The following MPHOSPH9 variants were observed in gnomAD, a reference collection of about 807,000 sequenced individuals.
MPHOSPH9 encodes M-phase phosphoprotein 9.
A neutral mutation model predicts 145.5 loss-of-function variants in MPHOSPH9; 88 were observed. The observed-to-expected ratio is 0.60, with a 90% CI of 0.51 to 0.72. MPHOSPH9 has a LOEUF of 0.72. MPHOSPH9 is among the 30% of genes least tolerant of loss of function. MPHOSPH9 has a pLI of 0.00. For missense variants in MPHOSPH9, 1,238 were observed against 1,386.6 expected, an observed-to-expected ratio of 0.89 and a Z score of 1.70; for synonymous variants, 435 against 486.2, an observed-to-expected ratio of 0.89 and a Z score of 1.39.
chr12:123,206,833 G>A (rs1030266934), intron 8 of MPHOSPH9, among the ~76,000 whole-genome samples: 2 of 151,782 alleles, frequency 1.3e-5, no homozygotes, highest in African/African-American at 4.8e-5. Flanking sequence ...AGAATCGCTT[G>A]AACCCAGGAG....
chr12:123,238,419 G>A (rs1055339716), intron 1 of MPHOSPH9, among the ~76,000 whole-genome samples: 2 of 151,988 alleles, frequency 1.3e-5, no homozygotes, highest in East Asian at 1.9e-4. Flanking sequence ...GAGACAAGAC[G>A]GAATAAGCAG....
chr12:123,174,718 C>G lies in MPHOSPH9; in HGVS notation c.2456+1970G>C, dbSNP rs572582563. ...CATCCTAAAACCTTATTTTTGAGCT[C>G]CAAACTCATTTATAATTGCCTATTT... On this transcript the variant is annotated intron_variant, in intron 16 of 23. Coordinates refer to ENST00000606320, the MANE Select transcript of MPHOSPH9 (RefSeq NM_022782.4). Among the ~76,000 whole-genome samples the G allele has an allele frequency of 3.9e-5, 6 of 152,204 alleles. No homozygotes were observed. In the South Asian group the frequency reaches 6.2e-4, roughly 16 times the overall value.
intron 6 of MPHOSPH9, 110 bp from the exon 7 acceptor site, chr12:123,214,944 G>T (rs2046895529): frequency 2.3e-6 from 2 of 870,180 alleles, no homozygotes; most frequent in Non-Finnish European, 3.7e-6. Flanking sequence ...CCTTCAGAGG[G>T]TTCAAAGAAG....
Position 123,159,179 on chromosome 12 carries a change from T to C in MPHOSPH9, c.3450+1602A>G, listed in dbSNP as rs570951141. Among the ~76,000 whole-genome samples the C allele has an allele frequency of 3.2e-4, 48 of 152,264 alleles. No individual in the cohort carries two copies. The highest frequency in any genetic ancestry group is 1.1e-3 in the African/African-American group (47 of 41,552). ...CAGGTATTTTTTTTTATTATTCTTT[T>C]TCAGAGACGGAGTCTTGCTCTGTCA... On this transcript the variant is annotated intron_variant, in intron 23 of 23. Transcript: ENST00000606320. This position sits in a 1 kb window ranked among gnomAD's most constrained non-coding sequence, Gnocchi z 4.3.
intron 8 of MPHOSPH9, among the ~76,000 whole-genome samples, chr12:123,209,734 G>GTT (rs1247529762): frequency 6.1e-4 from 61 of 100,198 alleles, no homozygotes; most frequent in African/African-American, 1.6e-3. Flanking sequence ...GTTTTGTTTT[G>GTT]TTGTTTTTTT....
At position 123,214,846 on chromosome 12, in the gene MPHOSPH9, A is replaced by C. The variant is rs2046891726; in HGVS notation, c.997-12T>G. 3 of 1,600,570 alleles carry C rather than the reference A, an allele frequency of 1.9e-6. No homozygotes were observed. The highest frequency in any genetic ancestry group is 1.7e-6 in the Non-Finnish European group (2 of 1,168,138). The stretch of plus-strand genomic sequence containing the variant: ...GCAGCAAAATCAGACTACAAGAAAG[A>C]AAACTATTGATTGACAGCTAAAAGT... On this transcript the variant is annotated splice_polypyrimidine_tract_variant and intron_variant, in intron 6 of 23. Coordinates refer to ENST00000606320, the MANE Select transcript of MPHOSPH9 (RefSeq NM_022782.4).
intron 16 of MPHOSPH9, 30 bp downstream of exon 16, chr12:123,176,658 G>A (rs755797281): frequency 6.6e-7 from 1 of 1,518,442 alleles, no homozygotes; most frequent in East Asian, 2.3e-5. Flanking sequence ...CCTATTTCTA[G>A]CTTTATAGAG....
chr12:123,189,897 C>A (rs1358898678), intron 13 of MPHOSPH9, among the ~76,000 whole-genome samples: 1 of 151,136 alleles, frequency 6.6e-6, no homozygotes. Flanking sequence ...GATGGTGCCA[C>A]TGCACTCCAG....
At chr12:123,216,103 G>C (rs1386232190) in intron 6 of MPHOSPH9, among the ~76,000 whole-genome samples, 1 of 152,172 alleles carries the variant, frequency 6.6e-6, no homozygotes, top group Non-Finnish European at 1.5e-5. Flanking sequence ...CGGGCGTGGT[G>C]GTGGGGGTGT....
chr12:123,163,342 A>C, intron 19 of MPHOSPH9: 1 of 482,622 alleles, frequency 2.1e-6, no homozygotes, highest in Non-Finnish European at 3.5e-6. Context: ...TATATCAGAC[A>C]GTACTTTCAG....
In MPHOSPH9 at chr12:123,168,589, A is replaced by G. The variant is rs140517050; in HGVS notation, c.2457-1800T>C. On this transcript the variant is annotated intron_variant, in intron 16 of 23. Coordinates refer to ENST00000606320, the MANE Select transcript of MPHOSPH9 (RefSeq NM_022782.4). ...GATCTCCTGACCTCATGATCCGCCC[A>G]CCTCAGCCTCCCAAAGTGCTGGGAT... Among the ~76,000 whole-genome samples the G allele has an allele frequency of 1.4e-3, 206 of 150,070 alleles. 1 individual carries two copies. Among genetic ancestry groups the G allele is most frequent in the African/African-American group, 4.7e-3 (192 of 40,892 alleles).
intron 13 of MPHOSPH9, among the ~76,000 whole-genome samples, chr12:123,185,373 T>C (rs1273983542): frequency 6.9e-6 from 1 of 143,948 alleles, no homozygotes; most frequent in South Asian, 2.3e-4. Flanking sequence ...ATACCAAGGA[T>C]AAAAAGATGA....
At chr12:123,209,726 T>A in intron 8 of MPHOSPH9, among the ~76,000 whole-genome samples, 1 of 144,434 alleles carries the variant, frequency 6.9e-6, no homozygotes, top group South Asian at 2.2e-4. Flanking sequence ...GTGTGTGTGT[T>A]TTGTTTTGTT....
Position 123,154,301 on chromosome 12 carries a change from T to C in MPHOSPH9, c.*2506A>G, listed in dbSNP as rs1422246544. ...AAAAATAGTTTATACCCGGGGATAA[T>C]AGCTGCTATTTAGAATTGCCATCTT... On this transcript the variant is annotated 3_prime_UTR_variant, in exon 24 of 24. Transcript: ENST00000606320. The C allele has an allele frequency of 1.3e-5, 2 of 151,032 alleles. No homozygotes were observed. Among genetic ancestry groups the C allele is most frequent in the African/African-American group, 4.9e-5 (2 of 41,090 alleles). The allele number at this position is 151,032 out of a possible 1,614,324, so 9.4% of individuals were successfully genotyped here.
intron 13 of MPHOSPH9, among the ~76,000 whole-genome samples, chr12:123,182,312 G>T (rs1358379778): frequency 7.4e-6 from 1 of 135,076 alleles, no homozygotes; most frequent in Admixed American, 7.9e-5. Flanking sequence ...GAAGTGCAGT[G>T]GCGTGTTCTC....
chr12:123,160,747 GC>G, intron 23 of MPHOSPH9, 33 bp downstream of exon 23: 1 of 1,591,082 alleles, frequency 6.3e-7, no homozygotes, highest in Non-Finnish European at 8.6e-7. Context: ...CTGGCATCAA[GC>G]CTCTAAAGCA....
intron 3 of MPHOSPH9, among the ~76,000 whole-genome samples, chr12:123,223,961 C>T (rs567636773): frequency 2.0e-5 from 3 of 151,338 alleles, no homozygotes; most frequent in Non-Finnish European, 4.4e-5. Flanking sequence ...GAGACGGAGT[C>T]TCTCGTTCTC....
At chr12:123,231,180 C>T (rs1490960646) in intron 1 of MPHOSPH9, among the ~76,000 whole-genome samples, 3 of 152,098 alleles carry the variant, frequency 2.0e-5, no homozygotes, top group African/African-American at 7.2e-5. Context: ...CAGCATCTTG[C>T]TATGTTGCCC....
intron 10 of MPHOSPH9, 90 bp from the exon 11 acceptor site, chr12:123,202,409 G>A (rs988192276): frequency 7.4e-7 from 1 of 1,351,780 alleles, no homozygotes; most frequent in African/African-American, 1.5e-5. Context: ...TGATTCTCAT[G>A]GGCAAAAATA....
Sources: allele counts gnomAD v4.1 joint callset (sites outside exome capture counted in the v4.1 genomes callset), GRCh38; gene constraint gnomAD v4.1.1; non-coding constraint Gnocchi (gnomAD v3.1); transcripts MANE v1.5; gene names NCBI Gene and HGNC (gene_info 2026-07-23, HGNC 2026-07-21).